SLC35E3: variants seen among roughly 807,000 people sequenced by gnomAD.
The protein encoded by SLC35E3 is bladder cancer-overexpressed gene 1 protein.
A neutral mutation model predicts 30.8 loss-of-function variants in SLC35E3; 28 were observed. The ratio of observed to expected loss-of-function variants is 0.91; its 90% CI spans 0.67 to 1.25. The LOEUF (loss-of-function observed/expected upper bound fraction) is 1.25, where lower values mean the gene tolerates loss of function less well. SLC35E3 is among the 50% of genes most tolerant of loss of function. The probability of loss-of-function intolerance (pLI) is 0.00; values close to 1 mark genes in which losing one functional copy is unlikely to be tolerated. For missense variants in SLC35E3, 365 were observed against 375.4 expected, an observed-to-expected ratio of 0.97 and a Z score of 0.23; for synonymous variants, 146 against 149.2, an observed-to-expected ratio of 0.98 and a Z score of 0.16.
rs780844232 is a variant in SLC35E3 at position 68,772,695 on chromosome 12, A to C, written c.*7805A>C. 1.3e-5 allele frequency: 2 copies of C among 152,202 alleles called. No individual in the cohort carries two copies. Among genetic ancestry groups the C allele is most frequent in the Non-Finnish European group, 2.9e-5 (2 of 68,040 alleles). 9.4% of individuals were successfully genotyped at this position (152,202 alleles called of 1,614,324 possible). A position where few individuals can be genotyped will look rare whatever the true frequency, so the allele number is the denominator to read the frequency against. On this transcript the variant is annotated 3_prime_UTR_variant, in exon 5 of 5. Transcript: ENST00000398004. Reference sequence around the variant, plus strand: ...AACAAGCATGGATACTTATTTAACCAGCCAAGACTATGCATTTCTAAATAT... The same window carrying C: ...AACAAGCATGGATACTTATTTAACCCGCCAAGACTATGCATTTCTAAATAT...
chr12:68,764,776 G>C lies in SLC35E3; in HGVS notation c.828G>C (p.Leu276=), dbSNP rs772674436. Residue 276 remains leucine, a synonymous_variant, in exon 5 of 5, where the codon CTG becomes CTC. Coordinates refer to ENST00000398004, the MANE Select transcript of SLC35E3 (RefSeq NM_018656.5). ...FGGYVLFKDP[L]SINQALGILC... ...GATATGTTTTATTTAAGGATCCACT[G>C]TCCATTAATCAGGCCCTTGGCATTT... 8 of 1,614,058 alleles carry C rather than the reference G, an allele frequency of 5.0e-6. No individual in the cohort carries two copies. The highest frequency in any genetic ancestry group is 6.8e-6 in the Non-Finnish European group (8 of 1,180,008).
intron 4 of SLC35E3, among the ~76,000 whole-genome samples, chr12:68,761,260 A>T (rs1879223266): frequency 6.6e-6 from 1 of 152,172 alleles, no homozygotes; most frequent in African/African-American, 2.4e-5. Flanking sequence ...TAATAGAAGC[A>T]CTCAGTGGGC....
chr12:68,746,561 C>T lies in SLC35E3; in HGVS notation c.184C>T (p.Gln62Ter), dbSNP rs1435525843. The T allele has an allele frequency of 2.5e-6, 4 of 1,614,096 alleles. No individual in the cohort carries two copies. The African/African-American group carries it at 4.0e-5, about 16-fold the overall frequency. ...CACCTGGCTGGGCTTGTATATCTGC[C>T]AGAAGCTGGACATCTTTGCCCCCAA... ...VVTWLGLYIC[Q>*]KLDIFAPKSL... Residue 62 changes from glutamine (Q) to a stop codon, truncating the protein, a stop_gained, in exon 1 of 5, where the codon CAG (glutamine) becomes TAG (stop). Transcript: ENST00000398004. LOFTEE classifies it high-confidence loss of function.
At chr12:68,752,254 A>C (rs895597322) in intron 3 of SLC35E3, 64 bp downstream of exon 3, 1 of 1,443,936 alleles carries the variant, frequency 6.9e-7, no homozygotes, top group African/African-American at 1.4e-5. Context: ...TTATTAATGT[A>C]ATTTTTAGTT....
At position 68,780,459 on chromosome 12, in the gene SLC35E3, C is replaced by T. The variant is rs528628839; in HGVS notation, c.*15569C>T. ...AAGTGCTGGGATTACAGGCGTGAGC[C>T]GTCCTGCCTGGCCTAGTCACACTTT... On this transcript the variant is annotated 3_prime_UTR_variant, in exon 5 of 5. Transcript: ENST00000398004. The T allele has an allele frequency of 4.6e-5, 7 of 150,626 alleles. No individual in the cohort carries two copies. Among genetic ancestry groups the T allele is most frequent in the East Asian group, 2.0e-4 (1 of 5,112 alleles). The allele number at this position is 150,626 out of a possible 1,614,324, so 9.3% of individuals were successfully genotyped here.
chr12:68,765,180 C>A lies in SLC35E3; in HGVS notation c.*290C>A. The stretch of plus-strand genomic sequence containing the variant: ...CTGAGGCAGGAGAATCACTTGAACC[C>A]GGGAGGCGGCGGTTGCAGTGAGCCG... On this transcript the variant is annotated 3_prime_UTR_variant, in exon 5 of 5. Coordinates refer to ENST00000398004, the MANE Select transcript of SLC35E3 (RefSeq NM_018656.5). 5.3e-6 allele frequency: 1 copy of A among 189,636 alleles called. No individual in the cohort carries two copies. Among genetic ancestry groups the A allele is most frequent in the South Asian group, 1.3e-4 (1 of 7,722 alleles). The allele number at this position is 189,636 out of a possible 1,614,324, so 11.7% of individuals were successfully genotyped here.
At chr12:68,758,186 C>T (rs1238259656) in intron 3 of SLC35E3, among the ~76,000 whole-genome samples, 1 of 150,516 alleles carries the variant, frequency 6.6e-6, no homozygotes, top group Non-Finnish European at 1.5e-5. Flanking sequence ...CTTTGGGAGG[C>T]CGAGGTGGGT....
In SLC35E3 at chr12:68,764,901, G is replaced by T; in HGVS notation, c.*11G>T. The T allele has an allele frequency of 6.2e-7, 1 of 1,609,258 alleles. No individual in the cohort carries two copies. The highest frequency in any genetic ancestry group is 1.7e-4 in the Middle Eastern group (1 of 6,036). Reference sequence around the variant, plus strand: ...GCACAACGTCCTTAATTGGGTTTTTGTGGAGAAAAGAATGTTGTCCCAAGA... The same window carrying T: ...GCACAACGTCCTTAATTGGGTTTTTTTGGAGAAAAGAATGTTGTCCCAAGA... On this transcript the variant is annotated 3_prime_UTR_variant, in exon 5 of 5. Transcript: ENST00000398004.
At position 68,747,997 on chromosome 12, in the gene SLC35E3, T is replaced by G; in HGVS notation, c.470T>G (p.Val157Gly). 1 of 1,612,292 alleles carries G rather than the reference T, an allele frequency of 6.2e-7. No homozygotes were observed. The highest frequency in any genetic ancestry group is 8.5e-7 in the Non-Finnish European group (1 of 1,178,600). ...GTGAAGTTTAATTTCCTTGGAATGG[T>G]GTTTGCTGCTCTTGGTGTTTTAGTT... ...YDVKFNFLGM[V>G]FAALGVLVTS... The change falls in exon 2 of 5, where the codon GTG (valine) becomes GGG (glycine). Residue 157 changes from valine (V) to glycine (G), a missense_variant. Transcript: ENST00000398004.
intron 3 of SLC35E3, 127 bp from the exon 4 acceptor site, chr12:68,759,028 CCT>C: frequency 1.4e-6 from 1 of 731,042 alleles, no homozygotes; most frequent in Non-Finnish European, 2.3e-6. Flanking sequence ...CGCGCCCGGC[CCT>C]CTCTTTCTAA....
chr12:68,754,446 G>C (rs554840816), intron 3 of SLC35E3, among the ~76,000 whole-genome samples: 3 of 152,038 alleles, frequency 2.0e-5, no homozygotes, highest in Admixed American at 2.0e-4. Flanking sequence ...ACCATGCCTG[G>C]CTAATTTTTT....
rs908974498 is a variant in SLC35E3, at chr12:68,769,802, G to A, written c.*4912G>A. The stretch of plus-strand genomic sequence containing the variant: ...CATTCATTCAACAAAAATTTATTGA[G>A]CATATACTGTGTGCCAGGTACTGTC... On this transcript the variant is annotated 3_prime_UTR_variant, in exon 5 of 5. Coordinates refer to ENST00000398004, the MANE Select transcript of SLC35E3 (RefSeq NM_018656.5). 2.6e-5 allele frequency: 4 copies of A among 152,162 alleles called. No individual in the cohort carries two copies. Among genetic ancestry groups the A allele is most frequent in the African/African-American group, 9.7e-5 (4 of 41,422 alleles). The allele number at this position is 152,162 out of a possible 1,614,324, so 9.4% of individuals were successfully genotyped here. A position where few individuals can be genotyped will look rare whatever the true frequency, so the allele number is the denominator to read the frequency against.
intron 3 of SLC35E3, among the ~76,000 whole-genome samples, chr12:68,752,435 T>G (rs1878838107): frequency 6.6e-6 from 1 of 152,234 alleles, no homozygotes; most frequent in South Asian, 2.1e-4. Flanking sequence ...AATTAATGTC[T>G]TCCGATGCCT....
chr12:68,746,346 C>T lies in SLC35E3; in HGVS notation c.-32C>T. On this transcript the variant is annotated 5_prime_UTR_variant, in exon 1 of 5. Coordinates refer to ENST00000398004, the MANE Select transcript of SLC35E3 (RefSeq NM_018656.5). The stretch of plus-strand genomic sequence containing the variant: ...CCGGAGACAGGCCCGGCGCCCCTTC[C>T]GAGGCTAGACGGCCCCAGCTTCGCG... 2 of 1,531,528 alleles carry T rather than the reference C, an allele frequency of 1.3e-6. No homozygotes were observed. Among genetic ancestry groups the T allele is most frequent in the Middle Eastern group, 3.5e-4 (2 of 5,670 alleles). 94.9% of individuals were successfully genotyped at this position (1,531,528 alleles called of 1,614,324 possible).
At chr12:68,761,427 A>T (rs560577906) in intron 4 of SLC35E3, among the ~76,000 whole-genome samples, 1 of 152,024 alleles carries the variant, frequency 6.6e-6, no homozygotes, top group African/African-American at 2.4e-5. Context: ...ATCACTCAGG[A>T]CTCCTGTGTT....
intron 4 of SLC35E3, among the ~76,000 whole-genome samples, chr12:68,763,808 G>A (rs781443824): frequency 2.0e-5 from 3 of 152,178 alleles, no homozygotes; most frequent in Admixed American, 6.5e-5. Flanking sequence ...GGATTAGAAC[G>A]TGGGCTTTCA....
intron 4 of SLC35E3, among the ~76,000 whole-genome samples, chr12:68,759,474 C>T (rs552722706): frequency 2.6e-5 from 4 of 152,120 alleles, no homozygotes; most frequent in South Asian, 2.1e-4. Flanking sequence ...GAGGCCGAGG[C>T]GGGTGAATCG....
Position 68,779,104 on chromosome 12 carries a change from T to TCAAAAACAAAAA in SLC35E3, c.*14227_*14238dup, listed in dbSNP as rs374517272. 1.3e-5 allele frequency: 2 copies of TCAAAAACAAAAA among 152,254 alleles called. No individual in the cohort carries two copies. The highest frequency in any genetic ancestry group is 4.8e-5 in the African/African-American group (2 of 41,244). 9.4% of individuals were successfully genotyped at this position (152,254 alleles called of 1,614,324 possible). On this transcript the variant is annotated 3_prime_UTR_variant, in exon 5 of 5. Coordinates refer to ENST00000398004, the MANE Select transcript of SLC35E3 (RefSeq NM_018656.5). ...CTGGGCGACAGAACAAGACTCTGTC[T>TCAAAAACAAAAA]CAAAAACAAAAACAAAAACAAAAAA...
rs60170178 is a variant in SLC35E3 at position 68,779,497 on chromosome 12, G to GGACTA, written c.*14611_*14612insAGACT. The GGACTA allele has an allele frequency of 0.21, 31,474 of 151,884 alleles. 3,292 individuals carry two copies. Among genetic ancestry groups the GGACTA allele is most frequent in the Middle Eastern group, 0.28 (83 of 292 alleles). 9.4% of individuals were successfully genotyped at this position (151,884 alleles called of 1,614,324 possible). On this transcript the variant is annotated 3_prime_UTR_variant, in exon 5 of 5. Transcript: ENST00000398004. ...AGGTGATATTAAAAGTACAGTGCTA[G>GGACTA]GACTGTCTGACCCAAAATATGTGGC... is the stretch of plus-strand genomic sequence containing the variant.
Sources: gnomAD v4.1 joint callset for allele counts (sites outside exome capture counted in the v4.1 genomes callset) on GRCh38, gnomAD v4.1.1 for gene constraint, MANE v1.5 for transcripts, NCBI Gene and HGNC (gene_info 2026-07-23, HGNC 2026-07-21) for gene names.